Variants in RAB30 observed in about 807,000 individuals in gnomAD.
RAB30 encodes the protein RAB30, member RAS oncogene family.
In RAB30, 9 loss-of-function variants were observed where a neutral mutation model predicts 25.1. The observed-to-expected ratio is 0.36, with a 90% confidence interval of 0.22 to 0.63. RAB30 has a LOEUF of 0.63. RAB30 is among the 20% of genes least tolerant of loss of function. RAB30 has a pLI of 0.69. For synonymous variants in RAB30, 77 were observed against 86.4 expected, an observed-to-expected ratio of 0.89 and a Z score of 0.60; for missense variants, 140 against 243.5, an observed-to-expected ratio of 0.58 and a Z score of 2.83.
At chr11:83,008,652 C>T (rs1857238353) in intron 1 of RAB30, among the ~76,000 whole-genome samples, 1 of 152,240 alleles carries the variant, frequency 6.6e-6, no homozygotes, top group Non-Finnish European at 1.5e-5. Context: ...AGATAGGGTA[C>T]AAATTTTCCC....
chr11:83,014,666 G>C (rs1281942860), intron 1 of RAB30, among the ~76,000 whole-genome samples: 2 of 145,442 alleles, frequency 1.4e-5, no homozygotes, highest in Non-Finnish European at 1.5e-5. Context: ...AAGAAAGAAA[G>C]AAAGAAAGAA....
chr11:83,026,789 A>T (rs1292420101), intron 1 of RAB30, among the ~76,000 whole-genome samples: 1 of 145,652 alleles, frequency 6.9e-6, no homozygotes, highest in Non-Finnish European at 1.5e-5. Flanking sequence ...ACCCCACAAA[A>T]ATTCAGTAAA....
Position 83,062,862 on chromosome 11 carries a change from G to T in RAB30, c.-9+8829C>A, listed in dbSNP as rs549858047. Among the ~76,000 whole-genome samples, 685 of 152,170 alleles carry T rather than the reference G, an allele frequency of 4.5e-3. 4 individuals carry two copies. The highest frequency in any genetic ancestry group is 6.5e-3 in the Non-Finnish European group (440 of 67,996). On this transcript the variant is annotated intron_variant, in intron 1 of 4. Transcript: ENST00000527633. ...CTAAAAATACAAAAAAATTAGCCAG[G>T]CATGGTGGTGGGCACCTGTAATCCC...
chr11:83,028,126 C>T (rs1590862720), intron 1 of RAB30, among the ~76,000 whole-genome samples: 1 of 151,948 alleles, frequency 6.6e-6, no homozygotes. Context: ...AATATTCTCA[C>T]AAAAATGAAA....
At chr11:83,023,404 G>A (rs1363479457) in intron 1 of RAB30, among the ~76,000 whole-genome samples, 1 of 152,176 alleles carries the variant, frequency 6.6e-6, no homozygotes. Flanking sequence ...GGGAAGAAGA[G>A]GCATGCACAA....
intron 1 of RAB30, among the ~76,000 whole-genome samples, chr11:83,020,071 G>C (rs1433431911): frequency 6.6e-6 from 1 of 152,250 alleles, no homozygotes; most frequent in Non-Finnish European, 1.5e-5. Flanking sequence ...TCTGAACTGG[G>C]GAGGGAGCTA....
chr11:83,026,226 A>G (rs967221840), intron 1 of RAB30, among the ~76,000 whole-genome samples: 1 of 152,200 alleles, frequency 6.6e-6, no homozygotes, highest in Non-Finnish European at 1.5e-5. Flanking sequence ...ACATACACAC[A>G]TACATAAAAA....
chr11:83,069,707 T>C (rs1858788687), intron 1 of RAB30, among the ~76,000 whole-genome samples: 1 of 152,246 alleles, frequency 6.6e-6, no homozygotes, highest in African/African-American at 2.4e-5. Flanking sequence ...ACATTTCATG[T>C]AGAGCATTTA....
At chr11:83,050,972 T>C (rs1262314818) in intron 1 of RAB30, among the ~76,000 whole-genome samples, 2 of 152,254 alleles carry the variant, frequency 1.3e-5, no homozygotes, top group East Asian at 1.9e-4. Context: ...TGGTTCAAAC[T>C]AGCTAGGTGC....
intron 1 of RAB30, among the ~76,000 whole-genome samples, chr11:83,052,630 C>T (rs1858380543): frequency 6.6e-6 from 1 of 152,220 alleles, no homozygotes; most frequent in Non-Finnish European, 1.5e-5. Context: ...CAGGGGAACA[C>T]GAGAGAAGAA....
intron 1 of RAB30, among the ~76,000 whole-genome samples, chr11:83,036,646 A>G (rs185322009): frequency 1.3e-5 from 2 of 152,374 alleles, no homozygotes; most frequent in East Asian, 3.9e-4. Flanking sequence ...TCATGAGGAT[A>G]GATGACAATG....
At chr11:82,992,623 A>G (rs1237161672) in intron 3 of RAB30, among the ~76,000 whole-genome samples, 1 of 151,786 alleles carries the variant, frequency 6.6e-6, no homozygotes, top group African/African-American at 2.4e-5. Flanking sequence ...TCAAGGTAGA[A>G]CTCTAAAATG....
chr11:82,989,721 A>G (rs1856812901), intron 3 of RAB30, among the ~76,000 whole-genome samples: 1 of 152,224 alleles, frequency 6.6e-6, no homozygotes, highest in Non-Finnish European at 1.5e-5. Context: ...TAGAACAGCG[A>G]TTGTATGAGC....
At chr11:83,014,634 A>AAAAGAAAAG (rs1555035115) in intron 1 of RAB30, among the ~76,000 whole-genome samples, 1 of 112,616 alleles carries the variant, frequency 8.9e-6, no homozygotes, top group East Asian at 2.6e-4. Context: ...AGAAGTAAGA[A>AAAAGAAAAG]AAAGAAAGAA....
intron 4 of RAB30, among the ~76,000 whole-genome samples, chr11:82,984,512 G>T (rs960633897): frequency 2.6e-5 from 4 of 152,286 alleles, no homozygotes; most frequent in Non-Finnish European, 5.9e-5. Flanking sequence ...CTGTCAAGCT[G>T]TATTTCCTGT....
At chr11:83,070,857 C>T (rs1028442268) in intron 1 of RAB30, among the ~76,000 whole-genome samples, 1 of 152,208 alleles carries the variant, frequency 6.6e-6, no homozygotes, top group Non-Finnish European at 1.5e-5. Context: ...CTTCCCTAAT[C>T]GATCTCTTCA....
intron 4 of RAB30, among the ~76,000 whole-genome samples, chr11:82,986,329 C>T (rs1350497527): frequency 6.6e-6 from 1 of 152,148 alleles, no homozygotes. Context: ...TGTTTCTCTA[C>T]TCTTGTTTAT....
At chr11:83,033,672 T>C (rs1857925896) in intron 1 of RAB30, among the ~76,000 whole-genome samples, 1 of 152,164 alleles carries the variant, frequency 6.6e-6, no homozygotes, top group Non-Finnish European at 1.5e-5. Flanking sequence ...CAGTCTCAAG[T>C]GAGATTCCTT....
intron 1 of RAB30, among the ~76,000 whole-genome samples, chr11:83,056,827 A>G (rs1858468498): frequency 6.6e-6 from 1 of 152,220 alleles, no homozygotes; most frequent in East Asian, 1.9e-4. Context: ...AGTGCTTGGC[A>G]GGTCATCAAC....
Sources: allele counts gnomAD v4.1 joint callset (sites outside exome capture counted in the v4.1 genomes callset), GRCh38; gene constraint gnomAD v4.1.1; transcripts MANE v1.5; gene names NCBI Gene and HGNC (gene_info 2026-07-23, HGNC 2026-07-21).